GABRG3: variants seen among roughly 807,000 people sequenced by gnomAD.
GABRG3 encodes gamma-aminobutyric acid type A receptor subunit gamma3, also known as gamma-aminobutyric acid receptor subunit gamma-3.
Under a neutral mutation model 48.8 loss-of-function variants are expected in GABRG3, and 25 were observed. The ratio of observed to expected loss-of-function variants is 0.51; its 90% CI spans 0.37 to 0.72. GABRG3 has a LOEUF of 0.72. Ranked by LOEUF, GABRG3 falls within the 30% of genes least tolerant of loss-of-function variation. The probability of loss-of-function intolerance (pLI) is 0.00; values close to 1 mark genes in which losing one functional copy is unlikely to be tolerated. For synonymous variants in GABRG3, 227 were observed against 217.6 expected (o/e 1.04, Z -0.38); for missense variants, 394 against 577.9 (o/e 0.68, Z 3.26).
chr15:27,023,702 A>G (rs1305193406), intron 2 of GABRG3, among the ~76,000 whole-genome samples: 1 of 152,204 alleles, frequency 6.6e-6, no homozygotes, highest in Non-Finnish European at 1.5e-5. Context: ...TTTTAAATCC[A>G]TTCATTTGTC....
intron 3 of GABRG3, among the ~76,000 whole-genome samples, chr15:27,306,785 TTATA>T (rs1174068793): frequency 1.9e-5 from 2 of 105,964 alleles, no homozygotes; most frequent in Non-Finnish European, 3.5e-5. Flanking sequence ...ATAAACATGT[TTATA>T]TATAAACATA....
At chr15:27,430,287 T>A (rs1888410018) in intron 5 of GABRG3, among the ~76,000 whole-genome samples, 1 of 152,238 alleles carries the variant, frequency 6.6e-6, no homozygotes, top group Admixed American at 6.5e-5. Context: ...TCTTTACACA[T>A]TCTGGATGCA....
intron 2 of GABRG3, among the ~76,000 whole-genome samples, chr15:26,987,667 C>T (rs1395769922): frequency 2.6e-5 from 4 of 152,150 alleles, no homozygotes; most frequent in African/African-American, 9.7e-5. Flanking sequence ...ATAGTTATTC[C>T]GTTTTCTAGT....
chr15:27,439,884 CAT>C (rs1000635579), intron 5 of GABRG3, among the ~76,000 whole-genome samples: 4 of 152,346 alleles, frequency 2.6e-5, no homozygotes, highest in African/African-American at 4.8e-5. Flanking sequence ...CAGGGCATAA[CAT>C]GTGTGATCTG....
chr15:27,307,858 T>G (rs1165647409), intron 3 of GABRG3, among the ~76,000 whole-genome samples: 2 of 133,572 alleles, frequency 1.5e-5, no homozygotes, highest in South Asian at 2.4e-4. Context: ...TGTTTATATA[T>G]AAATATATAT....
intron 3 of GABRG3, among the ~76,000 whole-genome samples, chr15:27,063,799 C>A (rs571063174): frequency 6.6e-6 from 1 of 152,298 alleles, no homozygotes; most frequent in Non-Finnish European, 1.5e-5. Flanking sequence ...CAGAGTCCGC[C>A]CCTGCAGAGC....
intron 5 of GABRG3, among the ~76,000 whole-genome samples, chr15:27,336,296 AAGAAGG>A (rs374271385): frequency 8.7e-4 from 132 of 152,020 alleles, no homozygotes; most frequent in African/African-American, 2.6e-3. Context: ...GAGAGAAAAG[AAGAAGG>A]AGAAGGAGAA....
chr15:27,510,656 C>G (rs1566873326), intron 6 of GABRG3, among the ~76,000 whole-genome samples: 2 of 152,210 alleles, frequency 1.3e-5, no homozygotes, highest in Non-Finnish European at 2.9e-5. Flanking sequence ...AATAAAGTTA[C>G]TGAATTATAT....
intron 3 of GABRG3, among the ~76,000 whole-genome samples, chr15:27,039,472 G>C (rs1040716661): frequency 2.0e-5 from 3 of 152,162 alleles, no homozygotes; most frequent in Non-Finnish European, 4.4e-5. Flanking sequence ...GTGGCCTTAG[G>C]TCCCTGCATG....
intron 3 of GABRG3, among the ~76,000 whole-genome samples, chr15:27,131,476 G>T (rs2192224): frequency 0.18 from 26,796 of 151,888 alleles, 2,603 homozygotes; most frequent in African/African-American, 0.24. Context: ...TAGTCAAAAA[G>T]ATATTGGTTT....
At chr15:26,979,093 C>T (rs1379586813) in intron 2 of GABRG3, among the ~76,000 whole-genome samples, 4 of 152,172 alleles carry the variant, frequency 2.6e-5, no homozygotes, top group South Asian at 2.1e-4. Context: ...GGAGCAATTG[C>T]GAATAGTACT....
rs208127 is a variant in GABRG3, at chr15:27,180,847, A to G, written c.271-145962A>G. Among the ~76,000 whole-genome samples, 28,585 of 152,166 alleles carry G rather than the reference A, an allele frequency of 0.19. 2,726 individuals carry two copies. Among genetic ancestry groups the G allele is most frequent in the East Asian group, 0.34 (1,732 of 5,152 alleles). On this transcript the variant is annotated intron_variant, in intron 3 of 9. Transcript: ENST00000615808. This position sits in a 1 kb window ranked among gnomAD's most constrained non-coding sequence, Gnocchi z 4.2. ...CCCCATGTAGCCACTGAAAAGGTCT[A>G]TCTTATGTCTACTTAAGGCTGGAGG...
At chr15:27,274,937 CTTAAG>C (rs1488713271) in intron 3 of GABRG3, among the ~76,000 whole-genome samples, 2 of 152,058 alleles carry the variant, frequency 1.3e-5, no homozygotes, top group Non-Finnish European at 2.9e-5. Context: ...TCCACCAGTT[CTTAAG>C]TTAGTAAAGT....
chr15:27,415,533 G>T (rs1291893123), intron 5 of GABRG3, among the ~76,000 whole-genome samples: 1 of 152,060 alleles, frequency 6.6e-6, no homozygotes, highest in Non-Finnish European at 1.5e-5. Context: ...GGGACCGGGG[G>T]AAAGGGTGGG....
rs143013258 is a variant in GABRG3, at chr15:27,051,199, T to C, written c.270+24378T>C. Among the ~76,000 whole-genome samples the C allele has an allele frequency of 4.3e-4, 66 of 152,358 alleles. No individual in the cohort carries two copies. The East Asian group carries it at 9.8e-3, about 23-fold the overall frequency. On this transcript the variant is annotated intron_variant, in intron 3 of 9. Coordinates refer to ENST00000615808, the MANE Select transcript of GABRG3 (RefSeq NM_033223.5). ...GACAAGCTACAATTGTTGACTCTCC[T>C]GTTTTCAGTCATTTTAGGTAATGAT...
chr15:27,102,765 A>G (rs1401651586), intron 3 of GABRG3, among the ~76,000 whole-genome samples: 1 of 152,202 alleles, frequency 6.6e-6, no homozygotes, highest in Non-Finnish European at 1.5e-5. Flanking sequence ...ATAGATTTTA[A>G]TAACCACTAA....
intron 2 of GABRG3, among the ~76,000 whole-genome samples, chr15:26,980,183 T>C (rs1467869503): frequency 6.6e-6 from 1 of 152,224 alleles, no homozygotes; most frequent in African/African-American, 2.4e-5. Context: ...TTTCTGATAC[T>C]GGTAACTTGT....
In GABRG3 at chr15:27,276,902, CTTCTA is replaced by C. The variant is rs569545558; in HGVS notation, c.271-49900_271-49896del. Among the ~76,000 whole-genome samples the C allele has an allele frequency of 1.4e-4, 21 of 152,288 alleles. No homozygotes were observed. In the South Asian group the frequency reaches 3.3e-3, roughly 24 times the overall value. ...ATGTTTTATGAGGGTAGTACAAACACTTCTATTCTATATCACTTCTTCCCAGCTAA... is the reference window on the plus strand; with the variant it reads ...ATGTTTTATGAGGGTAGTACAAACACTTCTATATCACTTCTTCCCAGCTAA... On this transcript the variant is annotated intron_variant, in intron 3 of 9. Transcript: ENST00000615808.
At position 27,026,829 on chromosome 15, in the gene GABRG3, G is replaced by A. The variant is rs79691322; in HGVS notation, c.270+8G>A. 2,285 of 1,590,898 alleles carry A rather than the reference G, an allele frequency of 1.4e-3. 27 individuals carry two copies. In the African/African-American group the frequency reaches 0.027, roughly 19 times the overall value. On this transcript the variant is annotated splice_region_variant and intron_variant, in intron 3 of 9. Coordinates refer to ENST00000615808, the MANE Select transcript of GABRG3 (RefSeq NM_033223.5). Reference sequence around the variant, plus strand: ...GTGTCATCAATAAACATGGTAAGAAGCTCCTTTATTTTCTGATCTAACGGC... The same window carrying A: ...GTGTCATCAATAAACATGGTAAGAAACTCCTTTATTTTCTGATCTAACGGC...
Sources: gnomAD v4.1 joint callset for allele counts (sites outside exome capture counted in the v4.1 genomes callset) on GRCh38, gnomAD v4.1.1 for gene constraint, Gnocchi (gnomAD v3.1) non-coding constraint, MANE v1.5 for transcripts, NCBI Gene and HGNC (gene_info 2026-07-23, HGNC 2026-07-21) for gene names.